Variants in IL1RAPL2 observed in about 807,000 individuals in gnomAD.
IL1RAPL2 encodes the protein interleukin 1 receptor accessory protein like 2, also known as X-linked interleukin-1 receptor accessory protein-like 2.
A neutral mutation model predicts 44.1 loss-of-function variants in IL1RAPL2; 3 were observed. The ratio of observed to expected loss-of-function variants is 0.07; its 90% CI spans 0.03 to 0.18. The LOEUF is 0.18. Ranked by LOEUF, IL1RAPL2 falls within the 10% of genes least tolerant of loss-of-function variation. The probability of loss-of-function intolerance (pLI) is 1.00; values close to 1 mark genes in which losing one functional copy is unlikely to be tolerated. For synonymous variants in IL1RAPL2, 181 were observed against 178.8 expected, an observed-to-expected ratio of 1.01 and a Z score of -0.10; for missense variants, 391 against 496.4, an observed-to-expected ratio of 0.79 and a Z score of 2.02.
chrX:104,883,115 C>T (rs911056008), intron 2 of IL1RAPL2, among the ~76,000 whole-genome samples: 2 of 111,715 alleles, frequency 1.8e-5, no homozygotes, highest in Non-Finnish European at 3.8e-5. Context: ...AGACCAAGAA[C>T]CCACCAGAAG....
chrX:105,110,956 T>TAAATAA (rs893841228), intron 2 of IL1RAPL2, among the ~76,000 whole-genome samples: 1 of 111,377 alleles, frequency 9.0e-6, no homozygotes, highest in South Asian at 3.7e-4. Flanking sequence ...AGTAGATAAA[T>TAAATAA]AAATAAAAAT....
intron 2 of IL1RAPL2, among the ~76,000 whole-genome samples, chrX:105,151,672 G>A (rs1293187552): frequency 1.8e-5 from 2 of 109,515 alleles, no homozygotes; most frequent in African/African-American, 6.6e-5. Flanking sequence ...AATAAAATTG[G>A]GATAGTACCC....
At chrX:105,353,611 G>A (rs987749997) in intron 5 of IL1RAPL2, among the ~76,000 whole-genome samples, 2 of 111,295 alleles carry the variant, frequency 1.8e-5, no homozygotes, top group African/African-American at 6.5e-5. Flanking sequence ...ATTTCATTGA[G>A]CAGTGGTTTG....
chrX:105,229,088 A>G (rs907866787), intron 3 of IL1RAPL2, among the ~76,000 whole-genome samples: 3 of 111,823 alleles, frequency 2.7e-5, no homozygotes, highest in Non-Finnish European at 5.6e-5. Context: ...TACCATCTCC[A>G]TTCTTGCACA....
At chrX:104,594,088 A>G (rs986621211) in intron 1 of IL1RAPL2, among the ~76,000 whole-genome samples, 20 of 112,271 alleles carry the variant, frequency 1.8e-4, no homozygotes, top group Non-Finnish European at 7.5e-5. Flanking sequence ...TACTTTTGCC[A>G]GACAGTGTTG....
chrX:105,345,080 A>G (rs903041986), intron 5 of IL1RAPL2, among the ~76,000 whole-genome samples: 3 of 111,911 alleles, frequency 2.7e-5, no homozygotes, highest in Non-Finnish European at 5.6e-5. Context: ...ACAATCTATT[A>G]GTAAATATAA....
At chrX:104,862,494 C>T (rs891816289) in intron 2 of IL1RAPL2, among the ~76,000 whole-genome samples, 10 of 110,121 alleles carry the variant, frequency 9.1e-5, no homozygotes, top group African/African-American at 2.0e-4. Context: ...AGGACACAAA[C>T]GCAGAAGACC....
At chrX:105,693,879 G>A (rs1472748504) in intron 6 of IL1RAPL2, among the ~76,000 whole-genome samples, 2 of 111,664 alleles carry the variant, frequency 1.8e-5, no homozygotes, top group Non-Finnish European at 3.8e-5. Flanking sequence ...ACTGAAGCTG[G>A]AAAATGTAAG....
intron 6 of IL1RAPL2, among the ~76,000 whole-genome samples, chrX:105,556,706 G>T (rs762416573): frequency 8.9e-6 from 1 of 111,876 alleles, no homozygotes; most frequent in Non-Finnish European, 1.9e-5. Flanking sequence ...ACACATATGT[G>T]ACTGGCTTAG....
chrX:104,637,984 A>G (rs907950448), intron 1 of IL1RAPL2, among the ~76,000 whole-genome samples: 1 of 111,498 alleles, frequency 9.0e-6, no homozygotes, highest in Non-Finnish European at 1.9e-5. Context: ...CAGTAAAGCC[A>G]TCTGGTCTTG....
At chrX:104,689,833 C>T (rs1020468808) in intron 2 of IL1RAPL2, among the ~76,000 whole-genome samples, 2 of 111,879 alleles carry the variant, frequency 1.8e-5, no homozygotes, top group African/African-American at 6.5e-5. Flanking sequence ...TAGTAGAATA[C>T]ACATAGATGG....
At chrX:104,837,055 A>G (rs763857779) in intron 2 of IL1RAPL2, among the ~76,000 whole-genome samples, 1 of 111,675 alleles carries the variant, frequency 9.0e-6, no homozygotes, top group Non-Finnish European at 1.9e-5. Flanking sequence ...AAAGGACATT[A>G]TCTCATTCTT....
At chrX:105,377,394 G>T (rs755500142) in intron 5 of IL1RAPL2, among the ~76,000 whole-genome samples, 1 of 108,576 alleles carries the variant, frequency 9.2e-6, no homozygotes, top group Admixed American at 1.0e-4. Flanking sequence ...GTGTGTGTGT[G>T]TATGTGTGTG....
intron 3 of IL1RAPL2, among the ~76,000 whole-genome samples, chrX:105,233,132 A>G (rs1170040180): frequency 5.4e-5 from 6 of 111,318 alleles, no homozygotes; most frequent in African/African-American, 2.0e-4. Context: ...AAATACAAAA[A>G]AATTAGCCGG....
At chrX:105,092,498 C>A (rs2032555654) in intron 2 of IL1RAPL2, among the ~76,000 whole-genome samples, 1 of 111,122 alleles carries the variant, frequency 9.0e-6, no homozygotes, top group African/African-American at 3.3e-5. Context: ...GTATTACCAA[C>A]CAGGGAAACT....
Position 105,744,012 on chromosome X carries a change from C to T in IL1RAPL2, c.1048+3321C>T, listed in dbSNP as rs764080026. On this transcript the variant is annotated intron_variant, in intron 8 of 10. Transcript: ENST00000372582. ...TATTAGACAAAATCAAAACATAGAC[C>T]AGAGAAAACATGCCTTGCTTTAAAA... 1.3e-4 allele frequency among the ~76,000 whole-genome samples: 15 copies of T among 111,746 alleles called. No homozygotes were observed. The East Asian group carries it at 4.2e-3, about 31-fold the overall frequency.
chrX:105,332,085 G>T (rs1470929649), intron 5 of IL1RAPL2, among the ~76,000 whole-genome samples: 1 of 109,840 alleles, frequency 9.1e-6, no homozygotes, highest in Non-Finnish European at 1.9e-5. Context: ...ATGAATAATA[G>T]CAGAAGGTTC....
chrX:104,917,438 T>A (rs1204859847), intron 2 of IL1RAPL2, among the ~76,000 whole-genome samples: 2 of 111,879 alleles, frequency 1.8e-5, no homozygotes, highest in Non-Finnish European at 3.8e-5. Flanking sequence ...TGGGTACAAA[T>A]GAAACTAGGA....
At chrX:104,838,036 G>T (rs1434307054) in intron 2 of IL1RAPL2, among the ~76,000 whole-genome samples, 1 of 111,696 alleles carries the variant, frequency 9.0e-6, no homozygotes, top group Non-Finnish European at 1.9e-5. Context: ...CCAGTTGGTT[G>T]TAAGTGTATC....
Sources: allele counts gnomAD v4.1 joint callset (sites outside exome capture counted in the v4.1 genomes callset), GRCh38; gene constraint gnomAD v4.1.1; transcripts MANE v1.5; gene names NCBI Gene and HGNC (gene_info 2026-07-23, HGNC 2026-07-21).